Variants in SMARCA4 observed in about 807,000 individuals in gnomAD.
The protein encoded by SMARCA4 is SWI/SNF related BAF chromatin remodeling complex subunit ATPase 4, also known as SWI/SNF-related matrix-associated actin-dependent regulator of chromatin subfamily A member 4.
In SMARCA4, 31 loss-of-function variants were observed where a neutral mutation model predicts 193.9. The observed-to-expected ratio is 0.16, with a 90% confidence interval of 0.12 to 0.22. The LOEUF (loss-of-function observed/expected upper bound fraction) is 0.22, where lower values mean the gene tolerates loss of function less well. SMARCA4 is among the 10% of genes least tolerant of loss of function. The pLI is 1.00. For missense variants in SMARCA4, 1,148 were observed against 2,296.0 expected, an observed-to-expected ratio of 0.50 and a Z score of 10.22; for synonymous variants, 942 against 933.1, an observed-to-expected ratio of 1.01 and a Z score of -0.17.
chr19:10,991,038 G>A, intron 7 of SMARCA4, 112 bp from the exon 8 acceptor site: 2 of 1,535,298 alleles, frequency 1.3e-6, no homozygotes, highest in Non-Finnish European at 1.8e-6. Flanking sequence ...GGTGTGTAAG[G>A]CACTTACAAT....
intron 24 of SMARCA4, among the ~76,000 whole-genome samples, chr19:11,028,788 GTTC>G (rs1380987081): frequency 6.6e-6 from 1 of 152,234 alleles, no homozygotes; most frequent in Non-Finnish European, 1.5e-5. Context: ...CCTGGAGTGA[GTTC>G]TTCGTGGGAG....
At chr19:11,028,003 C>A (rs1007939249) in intron 24 of SMARCA4, 53 bp downstream of exon 24, 1 of 1,580,080 alleles carries the variant, frequency 6.3e-7, no homozygotes, top group Non-Finnish European at 8.7e-7. Context: ...TTGTGGCTGC[C>A]ACAGAAGCTC....
At chr19:11,060,281 C>A (rs2076791735) in intron 34 of SMARCA4, 94 bp downstream of exon 34, 1 of 1,427,176 alleles carries the variant, frequency 7.0e-7, no homozygotes, top group Non-Finnish European at 9.6e-7. Context: ...TGCTCCCACG[C>A]CCCCACGCTG....
At chr19:10,996,158 C>T (rs1352353232) in intron 9 of SMARCA4, 55 bp from the exon 10 acceptor site, 11 of 1,590,120 alleles carry the variant, frequency 6.9e-6, no homozygotes, top group South Asian at 1.1e-5. Context: ...GCCATGGGTG[C>T]TCACAGACAT....
intron 20 of SMARCA4, among the ~76,000 whole-genome samples, 162 bp downstream of exon 20, chr19:11,023,793 G>A (rs369515750): frequency 6.6e-6 from 1 of 152,350 alleles, no homozygotes. Context: ...GCCCTGTGCT[G>A]CTGTTGTAGG....
chr19:10,993,685 G>A (rs570305290), intron 8 of SMARCA4, among the ~76,000 whole-genome samples: 58 of 151,598 alleles, frequency 3.8e-4, no homozygotes, highest in African/African-American at 1.4e-3. Flanking sequence ...TCGCTCTGTC[G>A]CCCACGCTGG....
At chr19:11,051,788 C>T (rs904625799) in intron 30 of SMARCA4, among the ~76,000 whole-genome samples, 2 of 151,912 alleles carry the variant, frequency 1.3e-5, no homozygotes, top group South Asian at 2.1e-4. Flanking sequence ...CATGTCCGGC[C>T]GGAAATGTTT....
intron 1 of SMARCA4, among the ~76,000 whole-genome samples, chr19:10,961,884 C>T (rs934806414): frequency 1.3e-5 from 2 of 152,014 alleles, no homozygotes; most frequent in Non-Finnish European, 2.9e-5. Context: ...TTTCTCCTTC[C>T]CAATTGGTTT....
intron 7 of SMARCA4, 144 bp downstream of exon 7, chr19:10,989,587 C>A: frequency 1.1e-6 from 1 of 888,638 alleles, no homozygotes; most frequent in Non-Finnish European, 1.8e-6. Context: ...GGCACTCAAT[C>A]ACTGCAGAGC....
At position 10,986,356 on chromosome 19, in the gene SMARCA4, A is replaced by C. The variant is rs774278132; in HGVS notation, c.523A>C (p.Asn175His). 6.2e-7 allele frequency: 1 copy of C among 1,611,620 alleles called. No individual in the cohort carries two copies. Among genetic ancestry groups the C allele is most frequent in the African/African-American group, 1.3e-5 (1 of 74,896 alleles). Reference sequence around the variant, plus strand: ...CCGGGGCCCAACCCCATTTAACCAGAACCAGCTGCACCAGCTCAGAGCTCA... The same window carrying C: ...CCGGGGCCCAACCCCATTTAACCAGCACCAGCTGCACCAGCTCAGAGCTCA... The part of the protein sequence containing the change: ...QNRGPTPFNQ[N>H]QLHQLRAQIM... Residue 175 changes from asparagine to histidine, a missense_variant, in exon 4 of 35, where the codon AAC (asparagine) becomes CAC (histidine). Physicochemically the swap from Asn to His is moderately conservative, Grantham distance 68 (BLOSUM62 1). This residue lies in a region of SMARCA4 where 4 missense variants were observed against 22.8 expected (regional missense o/e 0.18). Coordinates refer to ENST00000344626, the MANE Select transcript of SMARCA4 (RefSeq NM_003072.5). The surrounding 1 kb of genome is among the most constrained non-coding windows in gnomAD (Gnocchi z 6.7).
intron 30 of SMARCA4, among the ~76,000 whole-genome samples, chr19:11,044,666 C>T (rs917232280): frequency 2.6e-5 from 4 of 152,208 alleles, no homozygotes; most frequent in Non-Finnish European, 4.4e-5. Context: ...GCCTCACACC[C>T]TGCGTGTAGG....
chr19:11,029,392 C>T (rs568973982), intron 24 of SMARCA4, among the ~76,000 whole-genome samples: 3 of 152,378 alleles, frequency 2.0e-5, no homozygotes, highest in Admixed American at 1.3e-4. Flanking sequence ...ACAGATGTGT[C>T]CTCTGCATGT....
chr19:11,031,003 AC>A lies in SMARCA4; in HGVS notation c.3546+114del. The A allele has an allele frequency of 9.5e-7, 1 of 1,049,244 alleles. No individual in the cohort carries two copies. The highest frequency in any genetic ancestry group is 1.6e-5 in the African/African-American group (1 of 63,722). The allele number at this position is 1,049,244 out of a possible 1,614,324, so 65.0% of individuals were successfully genotyped here. ...TCCAGCCTCCTCCACATTGTCTTGG[AC>A]CCCAGGAGCCGGGAGGAGCTGCACC... On this transcript the variant is annotated intron_variant, in intron 25 of 34. Coordinates refer to ENST00000344626, the MANE Select transcript of SMARCA4 (RefSeq NM_003072.5). The surrounding 1 kb of genome is among the most constrained non-coding windows in gnomAD (Gnocchi z 4.3).
chr19:10,980,039 C>T (rs990349037), intron 1 of SMARCA4, among the ~76,000 whole-genome samples: 2 of 152,168 alleles, frequency 1.3e-5, no homozygotes, highest in Non-Finnish European at 2.9e-5. Flanking sequence ...TGCTGCAAGT[C>T]GGCCAGTGCT....
Position 10,984,531 on chromosome 19 carries a change from G to T in SMARCA4, c.222+158G>T, listed in dbSNP as rs1053596808. ...CCCCTACCCCAGGGCCCACGGCCAT[G>T]AACAGAAGGTTCAGCTCGTCAGACC... is the stretch of plus-strand genomic sequence containing the variant. On this transcript the variant is annotated intron_variant, in intron 2 of 34. Coordinates refer to ENST00000344626, the MANE Select transcript of SMARCA4 (RefSeq NM_003072.5). The surrounding 1 kb of genome is among the most constrained non-coding windows in gnomAD (Gnocchi z 4.3). Among the ~76,000 whole-genome samples, 1 of 152,268 alleles carries T rather than the reference G, an allele frequency of 6.6e-6. No individual in the cohort carries two copies. Among genetic ancestry groups the T allele is most frequent in the Non-Finnish European group, 1.5e-5 (1 of 68,040 alleles).
rs1600358365 is a variant in SMARCA4 at position 11,030,271 on chromosome 19, C to T, written c.3383-459C>T. ...TGAGACAGGGCTGAAGGCAGGTGCA[C>T]CCACAGTCACTGTCCACCCACCCCC... On this transcript the variant is annotated intron_variant, in intron 24 of 34. Transcript: ENST00000344626. The surrounding 1 kb of genome is among the most constrained non-coding windows in gnomAD (Gnocchi z 5.5). 6.6e-6 allele frequency among the ~76,000 whole-genome samples: 1 copy of T among 152,202 alleles called. No individual in the cohort carries two copies. The highest frequency in any genetic ancestry group is 2.4e-5 in the African/African-American group (1 of 41,462).
intron 34 of SMARCA4, 71 bp downstream of exon 34, chr19:11,060,258 C>A (rs2147130494): frequency 6.6e-7 from 1 of 1,526,392 alleles, no homozygotes; most frequent in Non-Finnish European, 8.9e-7. Context: ...GATGGGACAG[C>A]CCTGTGGGGC....
chr19:11,027,208 C>T (rs2090325651), intron 23 of SMARCA4, among the ~76,000 whole-genome samples: 2 of 152,158 alleles, frequency 1.3e-5, no homozygotes, highest in South Asian at 4.1e-4. Context: ...TTTTTTTATA[C>T]TGAGTTGTGG....
Position 11,031,129 on chromosome 19 carries a change from C to T in SMARCA4, c.3546+236C>T. 1 of 557,126 alleles carries T rather than the reference C, an allele frequency of 1.8e-6. No individual in the cohort carries two copies. The highest frequency in any genetic ancestry group is 2.0e-5 in the South Asian group (1 of 50,376). 34.5% of individuals were successfully genotyped at this position (557,126 alleles called of 1,614,324 possible). Reference sequence around the variant, plus strand: ...CTGATTGGGAAAGCAGTGTATAAGCCATCCGTCGGTTTGGTTTTTCTTAAA... The same window carrying T: ...CTGATTGGGAAAGCAGTGTATAAGCTATCCGTCGGTTTGGTTTTTCTTAAA... On this transcript the variant is annotated intron_variant, in intron 25 of 34. Coordinates refer to ENST00000344626, the MANE Select transcript of SMARCA4 (RefSeq NM_003072.5). This position sits in a 1 kb window ranked among gnomAD's most constrained non-coding sequence, Gnocchi z 4.3.
Sources: gnomAD v4.1 joint callset for allele counts (sites outside exome capture counted in the v4.1 genomes callset) on GRCh38, gnomAD v4.1.1 for gene constraint, gnomAD v4.1.1 regional missense constraint, Gnocchi (gnomAD v3.1) non-coding constraint, MANE v1.5 for transcripts, NCBI Gene and HGNC (gene_info 2026-07-23, HGNC 2026-07-21) for gene names.